The following ZNF804A variants were observed in gnomAD, a reference collection of about 807,000 sequenced individuals.
The protein encoded by ZNF804A is zinc finger protein 804A.
In ZNF804A, 2 loss-of-function variants were observed where a neutral mutation model predicts 16.5. That is an observed-to-expected ratio of 0.12 (90% CI 0.05 to 0.38). The LOEUF (loss-of-function observed/expected upper bound fraction) is 0.38. Among genes scored for constraint, ZNF804A ranks in the 10% least tolerant of loss-of-function variants. The pLI is 0.99. For missense variants in ZNF804A, 1,473 were observed against 1,390.7 expected, an observed-to-expected ratio of 1.06 and a Z score of -0.94; for synonymous variants, 534 against 489.6, an observed-to-expected ratio of 1.09 and a Z score of -1.20.
At chr2:184,794,024 A>G (rs1220252286) in intron 1 of ZNF804A, among the ~76,000 whole-genome samples, 2 of 152,150 alleles carry the variant, frequency 1.3e-5, no homozygotes, top group East Asian at 3.8e-4. Context: ...TTGTGCTGCT[A>G]TAAACATGTG....
At chr2:184,771,395 C>T (rs895680645) in intron 1 of ZNF804A, among the ~76,000 whole-genome samples, 1 of 151,746 alleles carries the variant, frequency 6.6e-6, no homozygotes, top group Admixed American at 6.6e-5. Flanking sequence ...ACAGGTTTTG[C>T]TGGGAACTCC....
At chr2:184,872,376 G>T (rs1231139623) in intron 2 of ZNF804A, among the ~76,000 whole-genome samples, 1 of 152,028 alleles carries the variant, frequency 6.6e-6, no homozygotes, top group Non-Finnish European at 1.5e-5. Flanking sequence ...TTAAAATGCA[G>T]AAACAAAGCT....
intron 2 of ZNF804A, among the ~76,000 whole-genome samples, chr2:184,911,428 G>C (rs1685356537): frequency 1.3e-5 from 2 of 151,910 alleles, no homozygotes; most frequent in African/African-American, 2.4e-5. Context: ...CATACATTTT[G>C]CTTAAGATTG....
intron 1 of ZNF804A, among the ~76,000 whole-genome samples, chr2:184,763,919 G>C (rs1559144330): frequency 6.6e-6 from 1 of 151,928 alleles, no homozygotes; most frequent in South Asian, 2.1e-4. Flanking sequence ...TGGGATTATA[G>C]GTGTGAGCCA....
intron 1 of ZNF804A, among the ~76,000 whole-genome samples, chr2:184,705,080 G>A (rs1363694155): frequency 1.3e-5 from 2 of 152,142 alleles, no homozygotes; most frequent in East Asian, 3.8e-4. Context: ...ACCTGTTTGA[G>A]GTTAATCAGA....
At chr2:184,748,546 G>A (rs1693829825) in intron 1 of ZNF804A, among the ~76,000 whole-genome samples, 2 of 151,274 alleles carry the variant, frequency 1.3e-5, no homozygotes, top group South Asian at 2.1e-4. Flanking sequence ...CAGTTGCATA[G>A]CTTGTCAATA....
intron 1 of ZNF804A, among the ~76,000 whole-genome samples, chr2:184,731,024 C>A (rs1693505420): frequency 6.6e-6 from 1 of 151,652 alleles, no homozygotes; most frequent in Non-Finnish European, 1.5e-5. Context: ...GGGTGGATCA[C>A]CTGAGGTCAG....
chr2:184,730,619 G>T (rs1693498465), intron 1 of ZNF804A, among the ~76,000 whole-genome samples: 2 of 152,148 alleles, frequency 1.3e-5, no homozygotes, highest in South Asian at 4.1e-4. Context: ...ATAGTTTGAA[G>T]CACAGTATGT....
At position 184,678,599 on chromosome 2, in the gene ZNF804A, A is replaced by C. The variant is rs925931697; in HGVS notation, c.111+79529A>C. Among the ~76,000 whole-genome samples, 9 of 152,306 alleles carry C rather than the reference A, an allele frequency of 5.9e-5. No individual in the cohort carries two copies. In the East Asian group the frequency reaches 1.7e-3, roughly 29 times the overall value. ...TGAAAGAAATGAATAGTCAACAGAG[A>C]TACAGGATGATGCCGGAGAAAAGCA... On this transcript the variant is annotated intron_variant, in intron 1 of 3. Transcript: ENST00000302277.
chr2:184,680,336 G>T (rs1692518553), intron 1 of ZNF804A, among the ~76,000 whole-genome samples: 1 of 152,166 alleles, frequency 6.6e-6, no homozygotes, highest in South Asian at 2.1e-4. Context: ...TCTCCTCTCT[G>T]CTGAGAACTG....
At chr2:184,919,179 G>A (rs1014567213) in intron 2 of ZNF804A, among the ~76,000 whole-genome samples, 2 of 152,178 alleles carry the variant, frequency 1.3e-5, no homozygotes, top group Non-Finnish European at 2.9e-5. Flanking sequence ...TTGAGTGCAG[G>A]GAGGGCAAAT....
At chr2:184,736,818 T>A (rs1693621710) in intron 1 of ZNF804A, among the ~76,000 whole-genome samples, 1 of 151,952 alleles carries the variant, frequency 6.6e-6, no homozygotes, top group African/African-American at 2.4e-5. Flanking sequence ...AATAATAAGT[T>A]TTTTCTCTTC....
At chr2:184,858,149 T>A (rs181417528) in intron 1 of ZNF804A, among the ~76,000 whole-genome samples, 1 of 152,062 alleles carries the variant, frequency 6.6e-6, no homozygotes, top group African/African-American at 2.4e-5. Context: ...TTTTGCTTTG[T>A]GGTTACTGTA....
intron 1 of ZNF804A, among the ~76,000 whole-genome samples, chr2:184,766,515 T>C (rs1034365222): frequency 2.0e-4 from 31 of 151,964 alleles, no homozygotes; most frequent in Non-Finnish European, 3.1e-4. Context: ...ATATATAACC[T>C]TGTCTTTGAG....
rs530632272 is a variant in ZNF804A at position 184,772,965 on chromosome 2, A to G, written c.112-93404A>G. Reference sequence around the variant, plus strand: ...TACATATACATATATACATATACATATATATGTATATATATATGTGTGTGT... The same window carrying G: ...TACATATACATATATACATATACATGTATATGTATATATATATGTGTGTGT... On this transcript the variant is annotated intron_variant, in intron 1 of 3. Coordinates refer to ENST00000302277, the MANE Select transcript of ZNF804A (RefSeq NM_194250.2). Among the ~76,000 whole-genome samples the G allele has an allele frequency of 3.1e-3, 366 of 118,140 alleles. 1 individual carries two copies. The highest frequency in any genetic ancestry group is 0.017 in the African/African-American group (349 of 20,712). 77.5% of individuals were successfully genotyped at this position (118,140 alleles called of 152,430 possible).
intron 1 of ZNF804A, among the ~76,000 whole-genome samples, chr2:184,699,530 G>A (rs7568513): frequency 0.015 from 2,338 of 152,126 alleles, 52 homozygotes; most frequent in African/African-American, 0.051. Context: ...ACTTGAGCCA[G>A]CTTTCATATT....
At chr2:184,602,523 A>G (rs1056768756) in intron 1 of ZNF804A, among the ~76,000 whole-genome samples, 1 of 151,984 alleles carries the variant, frequency 6.6e-6, no homozygotes, top group Non-Finnish European at 1.5e-5. Flanking sequence ...CATTTGGTAC[A>G]TCCTTTTTGG....
At chr2:184,760,851 C>G (rs764107832) in intron 1 of ZNF804A, among the ~76,000 whole-genome samples, 56 of 152,200 alleles carry the variant, frequency 3.7e-4, no homozygotes, top group Non-Finnish European at 6.3e-4. Context: ...CTTCAAACTC[C>G]AAGACCTCAT....
chr2:184,636,158 A>G (rs1183363696), intron 1 of ZNF804A, among the ~76,000 whole-genome samples: 2 of 152,154 alleles, frequency 1.3e-5, no homozygotes. Flanking sequence ...GAAAAAAATT[A>G]CTTTGCTGAT....
Sources: gnomAD v4.1 joint callset for allele counts (sites outside exome capture counted in the v4.1 genomes callset) on GRCh38, gnomAD v4.1.1 for gene constraint, MANE v1.5 for transcripts, NCBI Gene and HGNC (gene_info 2026-07-23, HGNC 2026-07-21) for gene names.